Variants in CPT1A observed in about 807,000 individuals in gnomAD.
The protein encoded by CPT1A is carnitine palmitoyltransferase 1A.
Under a neutral mutation model 100.8 loss-of-function variants are expected in CPT1A, and 64 were observed. The observed-to-expected ratio is 0.63, with a 90% confidence interval of 0.52 to 0.78. The LOEUF is 0.78. Among genes scored for constraint, CPT1A ranks in the 30% least tolerant of loss-of-function variants. The pLI is 0.00. For synonymous variants in CPT1A, 363 were observed against 396.0 expected (o/e 0.92, Z 0.99); for missense variants, 802 against 1,034.1 (o/e 0.78, Z 3.08).
At chr11:68,829,071 C>T (rs918259556) in intron 1 of CPT1A, among the ~76,000 whole-genome samples, 10 of 152,166 alleles carry the variant, frequency 6.6e-5, no homozygotes, top group Non-Finnish European at 1.3e-4. Context: ...CACCTGTCCA[C>T]GTGCCCGCAT....
intron 2 of CPT1A, among the ~76,000 whole-genome samples, chr11:68,814,553 C>T (rs932721114): frequency 6.6e-6 from 1 of 152,174 alleles, no homozygotes; most frequent in Non-Finnish European, 1.5e-5. Flanking sequence ...CGTGATCCAC[C>T]CGCCTCGGCC....
rs546294624 is a variant in CPT1A at position 68,799,484 on chromosome 11, C to T, written c.556-129G>A. ...AGGTTTTAGGCTGGGCATGGTGGCT[C>T]ATGCTTGTAATCCCAGCACTTTGGG... On this transcript the variant is annotated intron_variant, in intron 5 of 18. Transcript: ENST00000265641. The T allele has an allele frequency of 7.8e-6, 8 of 1,026,402 alleles. No homozygotes were observed. In the African/African-American group the frequency reaches 7.9e-5, roughly 10 times the overall value. The allele number at this position is 1,026,402 out of a possible 1,614,324, so 63.6% of individuals were successfully genotyped here.
Position 68,757,413 on chromosome 11 carries a change from G to C in CPT1A, c.*231C>G. The C allele has an allele frequency of 1.4e-6, 2 of 1,413,424 alleles. No individual in the cohort carries two copies. Among genetic ancestry groups the C allele is most frequent in the South Asian group, 3.0e-5 (2 of 66,206 alleles). 87.6% of individuals were successfully genotyped at this position (1,413,424 alleles called of 1,614,324 possible). ...CCAAGCCGATGCGGAGACATCAGGG[G>C]AGACTTTATCAGATGTCCCCCAAGG... On this transcript the variant is annotated 3_prime_UTR_variant, in exon 19 of 19. Coordinates refer to ENST00000265641, the MANE Select transcript of CPT1A (RefSeq NM_001876.4).
intron 18 of CPT1A, 123 bp downstream of exon 18, chr11:68,759,446 C>T (rs543273908): frequency 3.2e-5 from 24 of 745,294 alleles, no homozygotes; most frequent in Non-Finnish European, 4.4e-5. Context: ...TGAAAATTCC[C>T]GAAATCAAGT....
intron 14 of CPT1A, among the ~76,000 whole-genome samples, chr11:68,763,023 T>A (rs1340150782): frequency 1.3e-5 from 2 of 151,986 alleles, no homozygotes; most frequent in African/African-American, 2.4e-5. Context: ...TTTTTTAAAA[T>A]TTTTTTTGTA....
chr11:68,773,266 T>A lies in CPT1A; in HGVS notation c.1739A>T (p.Lys580Met). 1.9e-6 allele frequency: 3 copies of A among 1,613,964 alleles called. No individual in the cohort carries two copies. The highest frequency in any genetic ancestry group is 2.5e-6 in the Non-Finnish European group (3 of 1,179,992). ...AAACCCTAGGCGGTCAGTTCTTACC[T>A]TGTAGTGCGCCAGCTGGAGGGCCAG... ...VQLALQLAHY[K>M]DMGKFCLTYE... The change falls in exon 14 of 19, where the codon AAG (lysine) becomes ATG (methionine). Residue 580 changes from lysine to methionine, a missense_variant and splice_region_variant. Coordinates refer to ENST00000265641, the MANE Select transcript of CPT1A (RefSeq NM_001876.4).
chr11:68,819,534 T>C (rs756351770), intron 1 of CPT1A, among the ~76,000 whole-genome samples: 152 of 152,308 alleles, frequency 1.0e-3, no homozygotes, highest in Non-Finnish European at 1.6e-3. Context: ...CTGGGCTTCA[T>C]ACAGAACACA....
At position 68,773,637 on chromosome 11, in the gene CPT1A, C is replaced by T. The variant is rs1855057569; in HGVS notation, c.1576-208G>A. 1.0e-5 allele frequency: 8 copies of T among 794,970 alleles called. No individual in the cohort carries two copies. In the South Asian group the frequency reaches 1.1e-4, roughly 11 times the overall value. The allele number at this position is 794,970 out of a possible 1,614,324, so 49.2% of individuals were successfully genotyped here. A position where few individuals can be genotyped will look rare whatever the true frequency, so the allele number is the denominator to read the frequency against. On this transcript the variant is annotated intron_variant, in intron 13 of 18. Transcript: ENST00000265641. ...GCAGCTGCAATGTTATAGCAGGTAG[C>T]GGGTCTGACATGAGCAGGCCAGGAG...
chr11:68,762,767 G>A lies in CPT1A; in HGVS notation c.1741-6C>T, dbSNP rs1200444004. 6.2e-7 allele frequency: 1 copy of A among 1,614,084 alleles called. No individual in the cohort carries two copies. The highest frequency in any genetic ancestry group is 8.5e-7 in the Non-Finnish European group (1 of 1,180,046). ...AGGCAAAACTTGCCCATGTCCTGGG[G>A]AAAGAGAAGTACTTCAGTGCACGGC... On this transcript the variant is annotated splice_polypyrimidine_tract_variant and splice_region_variant and intron_variant, in intron 14 of 18. Coordinates refer to ENST00000265641, the MANE Select transcript of CPT1A (RefSeq NM_001876.4).
intron 14 of CPT1A, among the ~76,000 whole-genome samples, chr11:68,768,213 G>T (rs577140762): frequency 0.017 from 2,572 of 150,856 alleles, 35 homozygotes; most frequent in Non-Finnish European, 0.027. Context: ...GTAGCTGGGA[G>T]TACAGGCGCC....
intron 14 of CPT1A, among the ~76,000 whole-genome samples, chr11:68,768,066 CTT>C (rs71043448): frequency 1.9e-3 from 136 of 71,218 alleles, no homozygotes; most frequent in African/African-American, 7.6e-3. Flanking sequence ...AGTTTCCAGT[CTT>C]TTTTTTTTTT....
chr11:68,817,014 G>T (rs1856432537), intron 1 of CPT1A, among the ~76,000 whole-genome samples: 1 of 107,898 alleles, frequency 9.3e-6, no homozygotes, highest in Non-Finnish European at 1.9e-5. Flanking sequence ...ATGTGTGGGG[G>T]GTGGGTGTGT....
intron 10 of CPT1A, 98 bp from the exon 11 acceptor site, chr11:68,782,057 A>G: frequency 8.2e-7 from 1 of 1,214,318 alleles, no homozygotes; most frequent in Non-Finnish European, 1.2e-6. Flanking sequence ...GTTTTTCAGA[A>G]TTTCTCGAAG....
chr11:68,773,556 T>C, intron 13 of CPT1A, 127 bp from the exon 14 acceptor site: 1 of 1,525,184 alleles, frequency 6.6e-7, no homozygotes, highest in Non-Finnish European at 8.8e-7. Flanking sequence ...ACACAAACGT[T>C]TTCCTGACCC....
chr11:68,842,618 T>A (rs1251089680), upstream of CPT1A, among the ~76,000 whole-genome samples: 3 of 152,106 alleles, frequency 2.0e-5, no homozygotes, highest in African/African-American at 7.2e-5. Context: ...TGGTGAGATT[T>A]ACTAAAATAA....
At chr11:68,840,269 C>T (rs1857126539) in intron 1 of CPT1A, among the ~76,000 whole-genome samples, 1 of 152,116 alleles carries the variant, frequency 6.6e-6, no homozygotes, top group South Asian at 2.1e-4. Flanking sequence ...CGGTCAGAGT[C>T]GCCTTAAAGA....
In CPT1A at chr11:68,762,656, C is replaced by T. The variant is rs573452454; in HGVS notation, c.1846G>A (p.Val616Met). The change falls in exon 15 of 19, where the codon GTG becomes ATG. Residue 616 changes from valine to methionine, a missense_variant. Transcript: ENST00000265641. ...RSCTTESCDF[V>M]RAMVDPAQTV... ...TGGGCCGGGTCCACCATGGCCCGCACGAAGTCGCATGACTCAGTGGTGCAG... is the reference window on the plus strand; with the variant it reads ...TGGGCCGGGTCCACCATGGCCCGCATGAAGTCGCATGACTCAGTGGTGCAG... 6 of 1,613,864 alleles carry T rather than the reference C, an allele frequency of 3.7e-6. No homozygotes were observed. The African/African-American group carries it at 4.0e-5, about 11-fold the overall frequency.
intron 9 of CPT1A, among the ~76,000 whole-genome samples, chr11:68,791,380 C>T (rs1855607986): frequency 6.6e-6 from 1 of 152,200 alleles, no homozygotes; most frequent in Non-Finnish European, 1.5e-5. Flanking sequence ...CTTCACTTTC[C>T]TCCACCTCGT....
chr11:68,764,390 A>C (rs957139036), intron 14 of CPT1A, among the ~76,000 whole-genome samples: 1 of 152,160 alleles, frequency 6.6e-6, no homozygotes, highest in Non-Finnish European at 1.5e-5. Flanking sequence ...CCATCTGCAA[A>C]GGACACCATG....
Sources: gnomAD v4.1 joint callset for allele counts (sites outside exome capture counted in the v4.1 genomes callset) on GRCh38, gnomAD v4.1.1 for gene constraint, MANE v1.5 for transcripts, NCBI Gene and HGNC (gene_info 2026-07-23, HGNC 2026-07-21) for gene names.